The following FAM8A1 variants were observed in gnomAD, a reference collection of about 807,000 sequenced individuals.
FAM8A1 encodes protein FAM8A1.
In FAM8A1, 18 loss-of-function variants were observed where a neutral mutation model predicts 38.3. The ratio of observed to expected loss-of-function variants is 0.47; its 90% CI spans 0.33 to 0.70. The LOEUF is 0.70. Among genes scored for constraint, FAM8A1 ranks in the 30% least tolerant of loss-of-function variants. FAM8A1 has a pLI of 0.03. For synonymous variants in FAM8A1, 246 were observed against 234.4 expected, an observed-to-expected ratio of 1.05 and a Z score of -0.45; for missense variants, 559 against 559.6, an observed-to-expected ratio of 1.00 and a Z score of 0.01.
Position 17,600,489 on chromosome 6 carries a change from C to T in FAM8A1, c.80C>T (p.Ser27Phe), listed in dbSNP as rs775840429. Reference protein sequence around the residue: ...DGGGDHEPVPSLRGPPTTAVP... With the variant: ...DGGGDHEPVPFLRGPPTTAVP... ...GGAGGGGACCACGAGCCCGTCCCTT[C>T]CCTGAGAGGCCCTCCTACCACCGCC... is the stretch of plus-strand genomic sequence containing the variant. Residue 27 changes from serine to phenylalanine, a missense_variant, in exon 1 of 5, where the codon TCC (serine) becomes TTC (phenylalanine). Physicochemically the swap from Ser to Phe is radical, Grantham distance 155. Transcript: ENST00000259963. 7 of 1,531,316 alleles carry T rather than the reference C, an allele frequency of 4.6e-6. No homozygotes were observed. In the South Asian group the frequency reaches 7.4e-5, roughly 16 times the overall value. The allele number at this position is 1,531,316 out of a possible 1,614,324, so 94.9% of individuals were successfully genotyped here.
At position 17,610,702 on chromosome 6, in the gene FAM8A1, T is replaced by A. The variant is rs1312972302; in HGVS notation, c.*2363T>A. The A allele has an allele frequency of 4.6e-5, 7 of 152,292 alleles. No homozygotes were observed. The highest frequency in any genetic ancestry group is 1.3e-4 in the Admixed American group (2 of 15,300). 9.4% of individuals were successfully genotyped at this position (152,292 alleles called of 1,614,324 possible). ...CAAAGTATAATTCTCATGCTGAAGC[T>A]GTAGCCTAAAAAGCCAAAAGAAAGT... On this transcript the variant is annotated 3_prime_UTR_variant, in exon 5 of 5. Transcript: ENST00000259963.
At position 17,610,360 on chromosome 6, in the gene FAM8A1, A is replaced by ATGAG. The variant is rs1250001259; in HGVS notation, c.*2023_*2026dup. 6.6e-6 allele frequency: 1 copy of ATGAG among 152,164 alleles called. No homozygotes were observed. Among genetic ancestry groups the ATGAG allele is most frequent in the Non-Finnish European group, 1.5e-5 (1 of 68,008 alleles). The allele number at this position is 152,164 out of a possible 1,614,324, so 9.4% of individuals were successfully genotyped here. On this transcript the variant is annotated 3_prime_UTR_variant, in exon 5 of 5. Transcript: ENST00000259963. ...TTAGAATATTGCACATTTTCTATATATGAGTTATTCAGATTAGTATCTATG... is the reference window on the plus strand; with the variant it reads ...TTAGAATATTGCACATTTTCTATATATGAGTGAGTTATTCAGATTAGTATCTATG...
rs368245384 is a variant in FAM8A1, at chr6:17,605,249, T to G, written c.957+220T>G. Reference sequence around the variant, plus strand: ...GTGCATACCACCACACCTGGCTAATTTTTGTATTTTTAGTAGAGACAGGGT... The same window carrying G: ...GTGCATACCACCACACCTGGCTAATGTTTGTATTTTTAGTAGAGACAGGGT... On this transcript the variant is annotated intron_variant, in intron 3 of 4. Coordinates refer to ENST00000259963, the MANE Select transcript of FAM8A1 (RefSeq NM_016255.3). 2.6e-5 allele frequency among the ~76,000 whole-genome samples: 4 copies of G among 151,992 alleles called. No individual in the cohort carries two copies. The East Asian group carries it at 7.7e-4, about 29-fold the overall frequency.
rs1764091960 is a variant in FAM8A1 at position 17,608,598 on chromosome 6, T to C, written c.*259T>C. The C allele has an allele frequency of 8.4e-6, 2 of 237,024 alleles. No individual in the cohort carries two copies. The highest frequency in any genetic ancestry group is 1.5e-5 in the Non-Finnish European group (2 of 131,750). 14.7% of individuals were successfully genotyped at this position (237,024 alleles called of 1,614,324 possible). On this transcript the variant is annotated 3_prime_UTR_variant, in exon 5 of 5. Coordinates refer to ENST00000259963, the MANE Select transcript of FAM8A1 (RefSeq NM_016255.3). The stretch of plus-strand genomic sequence containing the variant: ...TAAACAATGGACAATATATACTTTC[T>C]TAAGATCTAAGGTACTTTCTTAAGA...
chr6:17,600,890 G>C lies in FAM8A1; in HGVS notation c.481G>C (p.Ala161Pro), dbSNP rs1034587918. 6.3e-7 allele frequency: 1 copy of C among 1,596,926 alleles called. No individual in the cohort carries two copies. The highest frequency in any genetic ancestry group is 8.5e-7 in the Non-Finnish European group (1 of 1,174,678). ...TTCGGGCGGCGCTGCAGTCCCCCAGGCCGCGGCGCCGCCGCCCCCGCAGCT... is the reference window on the plus strand; with the variant it reads ...TTCGGGCGGCGCTGCAGTCCCCCAGCCCGCGGCGCCGCCGCCCCCGCAGCT... ...FPSGGAAVPQ[A>P]AAPPPPQLGY... is the part of the protein sequence containing the mutation. The change falls in exon 1 of 5, where the codon GCC becomes CCC. Residue 161 changes from alanine to proline, a missense_variant. Ala to Pro is a conservative substitution (Grantham distance 27). This residue lies in a region of FAM8A1 where 393 missense variants were observed against 338.9 expected (regional missense o/e 1.16). Coordinates refer to ENST00000259963, the MANE Select transcript of FAM8A1 (RefSeq NM_016255.3).
rs1018833868 is a variant in FAM8A1 at position 17,609,186 on chromosome 6, A to C, written c.*847A>C. On this transcript the variant is annotated 3_prime_UTR_variant, in exon 5 of 5. Coordinates refer to ENST00000259963, the MANE Select transcript of FAM8A1 (RefSeq NM_016255.3). ...AATGTGGGGAGAAATCACCTCCATC[A>C]AACAGTTGCATATTTACTGTAAAAG... 6.6e-5 allele frequency: 10 copies of C among 152,150 alleles called. No individual in the cohort carries two copies. The highest frequency in any genetic ancestry group is 6.5e-4 in the Admixed American group (10 of 15,268). The allele number at this position is 152,150 out of a possible 1,614,324, so 9.4% of individuals were successfully genotyped here.
At chr6:17,602,069 C>T (rs1445277554) in intron 1 of FAM8A1, among the ~76,000 whole-genome samples, 1 of 152,214 alleles carries the variant, frequency 6.6e-6, no homozygotes, top group African/African-American at 2.4e-5. Flanking sequence ...CTGCTTCTAT[C>T]GCCCAGCCTG....
rs1342783019 is a variant in FAM8A1, at chr6:17,609,551, G to A, written c.*1212G>A. ...GAAATGTTACGCAAAGTGATACTGT[G>A]TATGTTGCCATTTTGCTTTATTCTT... On this transcript the variant is annotated 3_prime_UTR_variant, in exon 5 of 5. Coordinates refer to ENST00000259963, the MANE Select transcript of FAM8A1 (RefSeq NM_016255.3). 2 of 152,146 alleles carry A rather than the reference G, an allele frequency of 1.3e-5. No homozygotes were observed. Among genetic ancestry groups the A allele is most frequent in the African/African-American group, 4.8e-5 (2 of 41,434 alleles). 9.4% of individuals were successfully genotyped at this position (152,146 alleles called of 1,614,324 possible). A position where few individuals can be genotyped will look rare whatever the true frequency, so the allele number is the denominator to read the frequency against.
chr6:17,600,726 C>T lies in FAM8A1; in HGVS notation c.317C>T (p.Ala106Val), dbSNP rs749644569. 6.4e-6 allele frequency: 10 copies of T among 1,571,640 alleles called. No homozygotes were observed. In the South Asian group the frequency reaches 1.1e-4, roughly 18 times the overall value. Residue 106 changes from alanine to valine, a missense_variant, in exon 1 of 5, where the codon GCT becomes GTT. Ala to Val is a moderately conservative substitution (Grantham distance 64). This residue lies in a region of FAM8A1 where 393 missense variants were observed against 338.9 expected (regional missense o/e 1.16). Coordinates refer to ENST00000259963, the MANE Select transcript of FAM8A1 (RefSeq NM_016255.3). Reference sequence around the variant, plus strand: ...GCCGCGGCGCCACGAGAGAGACCAGCTCGGCTGAGCGCCCGCGAGTACTCC... The same window carrying T: ...GCCGCGGCGCCACGAGAGAGACCAGTTCGGCTGAGCGCCCGCGAGTACTCC... ...PEAAAPRERP[A>V]RLSAREYSRQ...
intron 3 of FAM8A1, among the ~76,000 whole-genome samples, chr6:17,605,310 G>C (rs560546337): frequency 5.9e-5 from 9 of 152,010 alleles, no homozygotes; most frequent in Non-Finnish European, 1.0e-4. Flanking sequence ...CAAACTCCTG[G>C]CCTCAGTGAT....
chr6:17,602,602 T>C lies in FAM8A1; in HGVS notation c.725T>C (p.Val242Ala), dbSNP rs768571792. The C allele has an allele frequency of 1.2e-5, 20 of 1,607,702 alleles. No homozygotes were observed. The highest frequency in any genetic ancestry group is 1.6e-5 in the Non-Finnish European group (19 of 1,178,786). The change falls in exon 2 of 5, where the codon GTT (valine) becomes GCT (alanine). Residue 242 changes from valine to alanine, a missense_variant. Transcript: ENST00000259963. The stretch of plus-strand genomic sequence containing the variant: ...TTTTAATTTACAGGCAGAGAATATG[T>C]TATTCCATCCTTGGCCCACAGATTT... ...ETGRQAGREY[V>A]IPSLAHRFMA...
In FAM8A1 at chr6:17,609,762, C is replaced by CT. The variant is rs1764111433; in HGVS notation, c.*1425dup. The CT allele has an allele frequency of 6.6e-6, 1 of 152,150 alleles. No homozygotes were observed. The highest frequency in any genetic ancestry group is 1.5e-5 in the Non-Finnish European group (1 of 68,010). The allele number at this position is 152,150 out of a possible 1,614,324, so 9.4% of individuals were successfully genotyped here. Reference sequence around the variant, plus strand: ...CATTGCACAGTTCAAAATTTGATTACTTAAGGGATCAATCTAGGTGGTGTT... The same window carrying CT: ...CATTGCACAGTTCAAAATTTGATTACTTTAAGGGATCAATCTAGGTGGTGTT... On this transcript the variant is annotated 3_prime_UTR_variant, in exon 5 of 5. Coordinates refer to ENST00000259963, the MANE Select transcript of FAM8A1 (RefSeq NM_016255.3).
In FAM8A1 at chr6:17,611,150, T is replaced by C. The variant is rs1561843115; in HGVS notation, c.*2811T>C. 1 of 152,122 alleles carries C rather than the reference T, an allele frequency of 6.6e-6. No homozygotes were observed. The highest frequency in any genetic ancestry group is 2.4e-5 in the African/African-American group (1 of 41,420). The allele number at this position is 152,122 out of a possible 1,614,324, so 9.4% of individuals were successfully genotyped here. Reference sequence around the variant, plus strand: ...TTCCGATTTTACCCAAGTATATATATAGGATAGAAAAAAATGCATTATATT... The same window carrying C: ...TTCCGATTTTACCCAAGTATATATACAGGATAGAAAAAAATGCATTATATT... On this transcript the variant is annotated 3_prime_UTR_variant, in exon 5 of 5. Transcript: ENST00000259963.
intron 4 of FAM8A1, 65 bp from the exon 5 acceptor site, chr6:17,608,130 G>T: frequency 6.6e-7 from 1 of 1,525,798 alleles, no homozygotes; most frequent in East Asian, 2.3e-5. Context: ...AACTTGATGG[G>T]ATACCATTAA....
intron 2 of FAM8A1, among the ~76,000 whole-genome samples, chr6:17,604,273 A>G (rs1157797715): frequency 1.3e-5 from 2 of 152,166 alleles, no homozygotes; most frequent in African/African-American, 4.8e-5. Context: ...GTTTATACTC[A>G]GGAGGCTGTC....
At position 17,609,095 on chromosome 6, in the gene FAM8A1, G is replaced by A. The variant is rs1437429481; in HGVS notation, c.*756G>A. 1 of 151,956 alleles carries A rather than the reference G, an allele frequency of 6.6e-6. No homozygotes were observed. Among genetic ancestry groups the A allele is most frequent in the Non-Finnish European group, 1.5e-5 (1 of 67,976 alleles). The allele number at this position is 151,956 out of a possible 1,614,324, so 9.4% of individuals were successfully genotyped here. A position where few individuals can be genotyped will look rare whatever the true frequency, so the allele number is the denominator to read the frequency against. On this transcript the variant is annotated 3_prime_UTR_variant, in exon 5 of 5. Transcript: ENST00000259963. ...ATTACTGTTAATGGTGGGGGAGTAAGTTTTCACTGTAAATTGAACTTATAA... is the reference window on the plus strand; with the variant it reads ...ATTACTGTTAATGGTGGGGGAGTAAATTTTCACTGTAAATTGAACTTATAA...
intron 4 of FAM8A1, among the ~76,000 whole-genome samples, chr6:17,606,763 T>G (rs1053746936): frequency 1.2e-4 from 18 of 152,186 alleles, no homozygotes; most frequent in Non-Finnish European, 2.5e-4. Context: ...TATTCAAGGT[T>G]AGCTGTTGGC....
At chr6:17,604,002 A>G (rs1764020308) in intron 2 of FAM8A1, among the ~76,000 whole-genome samples, 1 of 152,090 alleles carries the variant, frequency 6.6e-6, no homozygotes, top group African/African-American at 2.4e-5. Context: ...CCAGTCTCTG[A>G]TATAAAACCA....
intron 1 of FAM8A1, among the ~76,000 whole-genome samples, chr6:17,602,343 A>G (rs539968976): frequency 2.6e-5 from 4 of 152,222 alleles, no homozygotes; most frequent in African/African-American, 9.6e-5. Context: ...GGCCGTGTGA[A>G]ATCAATTTTT....
Sources: allele counts gnomAD v4.1 joint callset (sites outside exome capture counted in the v4.1 genomes callset), GRCh38; gene constraint gnomAD v4.1.1; regional missense constraint gnomAD v4.1.1; transcripts MANE v1.5; gene names NCBI Gene and HGNC (gene_info 2026-07-23, HGNC 2026-07-21).